SPG11: variants seen among roughly 807,000 people sequenced by gnomAD.
The protein encoded by SPG11 is SPG11 vesicle trafficking associated, spatacsin.
In SPG11, 222 loss-of-function variants were observed where a neutral mutation model predicts 274.0. That is an observed-to-expected ratio of 0.81 (90% CI 0.73 to 0.91). SPG11 has a LOEUF of 0.91. Ranked by LOEUF, SPG11 falls within the 40% of genes least tolerant of loss-of-function variation. The pLI is 0.00. For synonymous variants in SPG11, 1,144 were observed against 1,039.7 expected (o/e 1.10, Z -1.93); for missense variants, 3,114 against 2,872.7 (o/e 1.08, Z -1.92).
At chr15:44,614,476 G>T (rs1295483741) in intron 16 of SPG11, among the ~76,000 whole-genome samples, 2 of 152,114 alleles carry the variant, frequency 1.3e-5, no homozygotes, top group East Asian at 3.8e-4. Context: ...CTCCTGCCTT[G>T]GCCTCCCAAA....
chr15:44,607,213 C>G (rs1454591499), intron 19 of SPG11, among the ~76,000 whole-genome samples: 1 of 152,234 alleles, frequency 6.6e-6, no homozygotes, highest in Non-Finnish European at 1.5e-5. Flanking sequence ...GCTGACCACA[C>G]TTTTAAGTAG....
chr15:44,570,641 G>C lies in SPG11; in HGVS notation c.6361C>G (p.Leu2121Val). ...GTCAGGGTGAAGCAATGATGGGCCAGGATCAGGAGCTCTGTGGCTGGGAGG... is the reference window on the plus strand; with the variant it reads ...GTCAGGGTGAAGCAATGATGGGCCACGATCAGGAGCTCTGTGGCTGGGAGG... ...ELSCTTELLILAHHCFTLTCH... is the reference protein window; with the variant it reads ...ELSCTTELLIVAHHCFTLTCH... Residue 2121 changes from leucine (L) to valine (V), a missense_variant, in exon 34 of 40, where the codon CTG becomes GTG. Leu to Val is a conservative substitution (Grantham distance 32). Coordinates refer to ENST00000261866, the MANE Select transcript of SPG11 (RefSeq NM_025137.4). 6.2e-7 allele frequency: 1 copy of C among 1,614,076 alleles called. No individual in the cohort carries two copies. The highest frequency in any genetic ancestry group is 1.6e-4 in the Middle Eastern group (1 of 6,062).
intron 14 of SPG11, chr15:44,620,666 C>A: frequency 2.7e-6 from 1 of 375,010 alleles, no homozygotes; most frequent in Non-Finnish European, 4.8e-6. Context: ...GCCCAAGTAG[C>A]AGGGACTACA....
rs922561928 is a variant in SPG11, at chr15:44,663,424, C to A, written c.224G>T (p.Gly75Val). 1.2e-6 allele frequency: 2 copies of A among 1,605,646 alleles called. No individual in the cohort carries two copies. Among genetic ancestry groups the A allele is most frequent in the Non-Finnish European group, 1.7e-6 (2 of 1,176,762 alleles). ...GGGGCCCTCCAGGCAGCAGCGACCC[C>A]CGCCCCGGCTGCCAGGCGTCAAAGA... Reference protein sequence around the residue: ...VLSLTPGSRGGGRCCLEGPFW... With the variant: ...VLSLTPGSRGVGRCCLEGPFW... Residue 75 changes from glycine (G) to valine (V), a missense_variant, in exon 1 of 40, where the codon GGG (glycine) becomes GTG (valine). Coordinates refer to ENST00000261866, the MANE Select transcript of SPG11 (RefSeq NM_025137.4).
At position 44,608,457 on chromosome 15, in the gene SPG11, T is replaced by C. The variant is rs1249474878; in HGVS notation, c.3440A>G (p.Tyr1147Cys). Residue 1147 changes from tyrosine to cysteine, a missense_variant, in exon 19 of 40, where the codon TAC becomes TGC. Tyr to Cys is a radical substitution (Grantham distance 194). Transcript: ENST00000261866. ...TAAATACTGTACCTGAATAAGGTGG[T>C]AGATTGTAATATCAGATGGCAGGAC... ...PSVLPSDITIYHLIQSLSPFD... is the reference protein window; with the variant it reads ...PSVLPSDITICHLIQSLSPFD... 6.2e-7 allele frequency: 1 copy of C among 1,614,108 alleles called. No individual in the cohort carries two copies. Among genetic ancestry groups the C allele is most frequent in the Non-Finnish European group, 8.5e-7 (1 of 1,179,998 alleles).
chr15:44,608,202 A>T (rs2083370391), intron 19 of SPG11, among the ~76,000 whole-genome samples: 1 of 152,178 alleles, frequency 6.6e-6, no homozygotes, highest in Non-Finnish European at 1.5e-5. Flanking sequence ...AGATGGCTCC[A>T]GCTTCTGGGT....
chr15:44,612,829 A>C (rs1338102634), intron 17 of SPG11, among the ~76,000 whole-genome samples: 1 of 152,178 alleles, frequency 6.6e-6, no homozygotes, highest in East Asian at 1.9e-4. Context: ...TTTTGAGAGA[A>C]ACTGGACATT....
Position 44,563,423 on chromosome 15 carries a change from C to A in SPG11, c.7152-122G>T, listed in dbSNP as rs529275420. 17 of 816,602 alleles carry A rather than the reference C, an allele frequency of 2.1e-5. No homozygotes were observed. The East Asian group carries it at 4.4e-4, about 21-fold the overall frequency. The allele number at this position is 816,602 out of a possible 1,614,324, so 50.6% of individuals were successfully genotyped here. ...GAGCAGTCTTGGCTCACTGCAACCTCCACCTGCTGGGTTCAAGTGATTCTT... is the reference window on the plus strand; with the variant it reads ...GAGCAGTCTTGGCTCACTGCAACCTACACCTGCTGGGTTCAAGTGATTCTT... On this transcript the variant is annotated intron_variant, in intron 39 of 39. Coordinates refer to ENST00000261866, the MANE Select transcript of SPG11 (RefSeq NM_025137.4).
chr15:44,649,192 G>A (rs894435802), intron 6 of SPG11, among the ~76,000 whole-genome samples, 181 bp from the exon 7 acceptor site: 13 of 151,538 alleles, frequency 8.6e-5, no homozygotes, highest in African/African-American at 3.2e-4. Context: ...TTTTATAGGC[G>A]AGTTTTGTGG....
chr15:44,612,059 T>C (rs1363696185), intron 17 of SPG11, among the ~76,000 whole-genome samples: 1 of 152,202 alleles, frequency 6.6e-6, no homozygotes, highest in Non-Finnish European at 1.5e-5. Flanking sequence ...TCTGCCCGCC[T>C]TGGCCTCTCA....
At position 44,657,219 on chromosome 15, in the gene SPG11, G is replaced by A; in HGVS notation, c.745C>T (p.Gln249Ter). 3 of 1,614,172 alleles carry A rather than the reference G, an allele frequency of 1.9e-6. No individual in the cohort carries two copies. Among genetic ancestry groups the A allele is most frequent in the Non-Finnish European group, 2.5e-6 (3 of 1,180,010 alleles). The change falls in exon 4 of 40, where the codon CAG becomes TAG. Residue 249 changes from glutamine to a stop codon, truncating the protein, a stop_gained. Transcript: ENST00000261866. LOFTEE classifies it high-confidence loss of function. ...ALHKEDMCNE[Q>*]QQEPAKISSF... ...GAAATCTTGGCTGGCTCCTGTTGCTGCTCATTACACATGTCTTCTTTGTGA... is the reference window on the plus strand; with the variant it reads ...GAAATCTTGGCTGGCTCCTGTTGCTACTCATTACACATGTCTTCTTTGTGA...
Position 44,563,193 on chromosome 15 carries a change from AAACTTGTGTTCGTATGCC to A in SPG11, c.7242_7259del (p.Leu2414_Lys2419del), listed in dbSNP as rs781075314. 2 of 1,614,200 alleles carry A rather than the reference AAACTTGTGTTCGTATGCC, an allele frequency of 1.2e-6. No individual in the cohort carries two copies. The highest frequency in any genetic ancestry group is 8.5e-7 in the Non-Finnish European group (1 of 1,180,034). Reference sequence around the variant, plus strand: ...TCAGAAGCACATTTACAATTTCATAAAACTTGTGTTCGTATGCCAACTTGTAATACAGGTAAACATCTT... The same window carrying A: ...TCAGAAGCACATTTACAATTTCATAAAACTTGTAATACAGGTAAACATCTT... On this transcript the variant is annotated inframe_deletion, in exon 40 of 40. Coordinates refer to ENST00000261866, the MANE Select transcript of SPG11 (RefSeq NM_025137.4).
chr15:44,604,889 G>A (rs558433186), intron 20 of SPG11, among the ~76,000 whole-genome samples: 6 of 129,958 alleles, frequency 4.6e-5, no homozygotes, highest in South Asian at 2.4e-4. Context: ...GATCGAGATC[G>A]TGCCACTGCA....
intron 14 of SPG11, 180 bp downstream of exon 14, chr15:44,621,579 T>C (rs2083751914): frequency 1.6e-6 from 1 of 635,850 alleles, no homozygotes; most frequent in Non-Finnish European, 2.7e-6. Context: ...ACATTATAAA[T>C]CCCTCCCAGA....
In SPG11 at chr15:44,657,232, G is replaced by A. The variant is rs745572647; in HGVS notation, c.732C>T (p.Asp244=). Reference sequence around the variant, plus strand: ...GCTCCTGTTGCTGCTCATTACACATGTCTTCTTTGTGAAGTGCTAAATCCA... The same window carrying A: ...GCTCCTGTTGCTGCTCATTACACATATCTTCTTTGTGAAGTGCTAAATCCA... ...AHVDLALHKE[D]MCNEQQQEPA... is the part of the protein sequence containing the mutation. Residue 244 remains aspartate (D), a synonymous_variant, in exon 4 of 40, where the codon GAC becomes GAT. Coordinates refer to ENST00000261866, the MANE Select transcript of SPG11 (RefSeq NM_025137.4). The A allele has an allele frequency of 4.8e-5, 78 of 1,614,036 alleles. No individual in the cohort carries two copies. In the Admixed American group the frequency reaches 1.3e-3, roughly 27 times the overall value.
chr15:44,572,381 G>A (rs537907635), intron 33 of SPG11: 4 of 383,258 alleles, frequency 1.0e-5, no homozygotes, highest in East Asian at 1.2e-4. Context: ...GCTTTCCTAA[G>A]GTAAAGTTTG....
intron 38 of SPG11, among the ~76,000 whole-genome samples, chr15:44,565,166 A>C (rs1348245182): frequency 6.6e-6 from 1 of 152,166 alleles, no homozygotes; most frequent in Non-Finnish European, 1.5e-5. Flanking sequence ...GGCTAGAACC[A>C]ATCTCCCTGA....
rs768131119 is a variant in SPG11, at chr15:44,608,572, TCAAA to T, written c.3321_3324del (p.Cys1107Ter). 2.0e-5 allele frequency: 32 copies of T among 1,613,968 alleles called. No homozygotes were observed. Among genetic ancestry groups the T allele is most frequent in the Admixed American group, 8.3e-5 (5 of 60,006 alleles). On this transcript the variant is annotated frameshift_variant, in exon 19 of 40. Coordinates refer to ENST00000261866, the MANE Select transcript of SPG11 (RefSeq NM_025137.4). LOFTEE classifies it high-confidence loss of function. Reference sequence around the variant, plus strand: ...TTCAATAGCTGGGGATCCACTTTCTTCAAACAGTTTTCATTTTCTTCATTCTGAA... The same window carrying T: ...TTCAATAGCTGGGGATCCACTTTCTTCAGTTTTCATTTTCTTCATTCTGAA...
intron 7 of SPG11, among the ~76,000 whole-genome samples, chr15:44,640,395 C>T (rs1175680549): frequency 6.6e-6 from 1 of 152,060 alleles, no homozygotes; most frequent in Non-Finnish European, 1.5e-5. Flanking sequence ...ACAAGAAAGA[C>T]TATGGATATA....
Sources: gnomAD v4.1 joint callset for allele counts (sites outside exome capture counted in the v4.1 genomes callset) on GRCh38, gnomAD v4.1.1 for gene constraint, MANE v1.5 for transcripts, NCBI Gene and HGNC (gene_info 2026-07-23, HGNC 2026-07-21) for gene names.